The following LOC128462377 variants were observed in gnomAD, a reference collection of about 807,000 sequenced individuals.
At chr16:89,413,730 C>T in the LOC128462377 span, among the ~76,000 whole-genome samples, 1 of 152,218 alleles carries the variant, frequency 6.6e-6, no homozygotes, top group Non-Finnish European at 1.5e-5. Context: ...CCAGGAACCC[C>T]TGGAGCATTC....
chr16:89,385,226 G>A, the LOC128462377 span, among the ~76,000 whole-genome samples: 1 of 151,474 alleles, frequency 6.6e-6, no homozygotes, highest in African/African-American at 2.4e-5. Flanking sequence ...GTCTCCCTCT[G>A]TCACCCAGGC....
chr16:89,393,055 T>C, the LOC128462377 span, among the ~76,000 whole-genome samples: 1 of 152,078 alleles, frequency 6.6e-6, no homozygotes, highest in Non-Finnish European at 1.5e-5. Flanking sequence ...TAACCCTCAG[T>C]GGAGCCTCCG....
the LOC128462377 span, among the ~76,000 whole-genome samples, chr16:89,365,445 G>A: frequency 3.3e-5 from 5 of 152,338 alleles, no homozygotes; most frequent in African/African-American, 1.2e-4. Flanking sequence ...GTGCAGGGGA[G>A]CCTCCCAGAT....
At chr16:89,384,874 G>GTTTTTTTTTTTTTTT in the LOC128462377 span, among the ~76,000 whole-genome samples, 8 of 72,746 alleles carry the variant, frequency 1.1e-4, 2 homozygotes, top group African/African-American at 2.8e-4. Context: ...ATGAGAAATA[G>GTTTTTTTTTTTTTTT]TTTTCTTTTT....
the LOC128462377 span, among the ~76,000 whole-genome samples, chr16:89,361,106 C>G: frequency 6.6e-6 from 1 of 152,232 alleles, no homozygotes; most frequent in African/African-American, 2.4e-5. Context: ...TTGTGGAAAC[C>G]TGTCAACCCA....
the LOC128462377 span, among the ~76,000 whole-genome samples, chr16:89,411,542 T>C: frequency 6.6e-6 from 1 of 152,132 alleles, no homozygotes; most frequent in Non-Finnish European, 1.5e-5. Flanking sequence ...ACCTCCTGAG[T>C]AACCATGACG....
chr16:89,358,301 G>C, the LOC128462377 span, among the ~76,000 whole-genome samples: 3 of 152,222 alleles, frequency 2.0e-5, no homozygotes, highest in Admixed American at 6.5e-5. Context: ...CTTCCCTTCT[G>C]TTGGCCACAT....
chr16:89,342,865 C>T, the LOC128462377 span, among the ~76,000 whole-genome samples: 1 of 152,284 alleles, frequency 6.6e-6, no homozygotes, highest in South Asian at 2.1e-4. Context: ...TTATGCCCAA[C>T]TGGCAAAGGA....
At chr16:89,375,805 C>T in the LOC128462377 span, among the ~76,000 whole-genome samples, 2 of 145,274 alleles carry the variant, frequency 1.4e-5, no homozygotes, top group Non-Finnish European at 3.0e-5. Context: ...TTGCAGTTCT[C>T]AAGTCTTTTT....
At chr16:89,377,292 G>C in the LOC128462377 span, among the ~76,000 whole-genome samples, 17 of 152,240 alleles carry the variant, frequency 1.1e-4, 1 homozygote, top group East Asian at 3.3e-3. Flanking sequence ...AGAGCATCAT[G>C]AGTGTCTGGA....
the LOC128462377 span, chr16:89,322,990 C>T: frequency 3.4e-6 from 1 of 295,616 alleles, no homozygotes; most frequent in South Asian, 2.8e-5. Context: ...AGTACAGGCC[C>T]GTGGCACCAT....
At chr16:89,403,121 G>A in the LOC128462377 span, among the ~76,000 whole-genome samples, 1 of 152,304 alleles carries the variant, frequency 6.6e-6, no homozygotes, top group East Asian at 1.9e-4. Flanking sequence ...ACCTCTCAGC[G>A]TGACGTGCCC....
the LOC128462377 span, among the ~76,000 whole-genome samples, chr16:89,330,795 CT>C: frequency 6.6e-6 from 1 of 152,090 alleles, no homozygotes; most frequent in South Asian, 2.1e-4. Context: ...GAGAACGGTG[CT>C]CCACTTCTGA....
chr16:89,330,015 T>C, the LOC128462377 span, among the ~76,000 whole-genome samples: 1 of 151,472 alleles, frequency 6.6e-6, no homozygotes, highest in African/African-American at 2.4e-5. Context: ...TAAAATAAAA[T>C]AAAATAAAAT....
the LOC128462377 span, among the ~76,000 whole-genome samples, chr16:89,319,076 A>T: frequency 4.6e-5 from 7 of 152,220 alleles, no homozygotes; most frequent in Non-Finnish European, 8.8e-5. Context: ...ATTATCTGGA[A>T]TTAACATTTT....
chr16:89,320,866 G>A, the LOC128462377 span, among the ~76,000 whole-genome samples: 1 of 152,256 alleles, frequency 6.6e-6, no homozygotes, highest in East Asian at 1.9e-4. Context: ...GCAGCCCAGA[G>A]GGGCTCCACC....
chr16:89,354,325 C>T, the LOC128462377 span, among the ~76,000 whole-genome samples: 1 of 151,564 alleles, frequency 6.6e-6, no homozygotes. Context: ...TTCCTTCTCA[C>T]TGTCAATCTT....
the LOC128462377 span, among the ~76,000 whole-genome samples, chr16:89,364,566 G>A: frequency 5.3e-5 from 8 of 152,270 alleles, no homozygotes; most frequent in African/African-American, 1.2e-4. Flanking sequence ...TAAAGCAGAG[G>A]TGTCCAATCT....
the LOC128462377 span, among the ~76,000 whole-genome samples, chr16:89,413,764 G>A: frequency 2.0e-5 from 3 of 152,164 alleles, no homozygotes; most frequent in Non-Finnish European, 4.4e-5. Context: ...AGAAACAGCC[G>A]ACAAGCTCCC....
Sources: gnomAD v4.1 joint callset for allele counts (sites outside exome capture counted in the v4.1 genomes callset) on GRCh38, gnomAD v4.1.1 for gene constraint, MANE v1.5 for transcripts.